SNX29: variants seen among roughly 807,000 people sequenced by gnomAD.
The protein encoded by SNX29 is sorting nexin-29.
Under a neutral mutation model 102.1 loss-of-function variants are expected in SNX29, and 78 were observed. That is an observed-to-expected ratio of 0.76 (90% CI 0.64 to 0.92). The LOEUF is 0.92. Among genes scored for constraint, SNX29 ranks in the 40% least tolerant of loss-of-function variants. SNX29 has a pLI of 0.00. For synonymous variants in SNX29, 580 were observed against 414.5 expected (o/e 1.40, Z -4.85); for missense variants, 1,280 against 1,061.7 (o/e 1.21, Z -2.86).
intron 1 of SNX29, among the ~76,000 whole-genome samples, chr16:11,984,354 A>G (rs1293052832): frequency 1.4e-5 from 2 of 139,078 alleles, no homozygotes; most frequent in Non-Finnish European, 3.1e-5. Flanking sequence ...TGACAGAGCC[A>G]GACCCCTCAG....
chr16:12,524,111 C>G (rs186745707), intron 19 of SNX29, among the ~76,000 whole-genome samples: 6 of 152,266 alleles, frequency 3.9e-5, no homozygotes, highest in Admixed American at 3.3e-4. Context: ...GTCTCAAACT[C>G]CCAGCCTCAG....
At chr16:12,387,982 G>T (rs2083393740) in intron 16 of SNX29, among the ~76,000 whole-genome samples, 2 of 152,184 alleles carry the variant, frequency 1.3e-5, no homozygotes. Context: ...TTCATCCACA[G>T]ATTTCATCAT....
chr16:12,372,544 G>T (rs1407759839), intron 16 of SNX29: 1 of 152,170 alleles, frequency 6.6e-6, no homozygotes. Context: ...TGCCCTGGAG[G>T]TTCATGAGGG....
At chr16:12,514,872 CAAAG>C (rs540042573) in intron 19 of SNX29, among the ~76,000 whole-genome samples, 1,624 of 137,824 alleles carry the variant, frequency 0.012, 14 homozygotes, top group South Asian at 0.025. Flanking sequence ...CTCTAAAAAA[CAAAG>C]AAAGAAAGAA....
In SNX29 at chr16:12,462,931, C is replaced by A. The variant is rs190315561; in HGVS notation, c.2038-14788C>A. ...GATGAAGTCATACTTCCTTTTACAT[C>A]CCCCTGCTATGATCGCTGGATCCCC... On this transcript the variant is annotated intron_variant, in intron 18 of 20. Coordinates refer to ENST00000566228, the MANE Select transcript of SNX29 (RefSeq NM_032167.5). 1.0e-3 allele frequency among the ~76,000 whole-genome samples: 159 copies of A among 152,316 alleles called. No homozygotes were observed. The South Asian group carries it at 0.023, about 22-fold the overall frequency.
chr16:12,206,352 G>A (rs1017164075), intron 14 of SNX29, among the ~76,000 whole-genome samples: 8 of 134,846 alleles, frequency 5.9e-5, no homozygotes, highest in Non-Finnish European at 9.2e-5. Flanking sequence ...TGCTGGGAGT[G>A]ATGTGCTGGT....
At chr16:12,176,261 A>G (rs1039201940) in intron 13 of SNX29, among the ~76,000 whole-genome samples, 1 of 152,240 alleles carries the variant, frequency 6.6e-6, no homozygotes, top group Non-Finnish European at 1.5e-5. Flanking sequence ...ACTGATAGAC[A>G]TTAGTGATGT....
At chr16:12,059,426 C>A (rs2151257620) in intron 8 of SNX29, among the ~76,000 whole-genome samples, 1 of 152,364 alleles carries the variant, frequency 6.6e-6, no homozygotes. Flanking sequence ...CCTGCCAGGA[C>A]AGTCGCGGGA....
intron 16 of SNX29, among the ~76,000 whole-genome samples, chr16:12,378,114 T>A (rs2082943722): frequency 6.6e-6 from 1 of 152,154 alleles, no homozygotes; most frequent in Non-Finnish European, 1.5e-5. Flanking sequence ...GAGTGCCTCA[T>A]TGTGTTTTGT....
At chr16:12,376,378 T>A (rs2082874849) in intron 16 of SNX29, among the ~76,000 whole-genome samples, 1 of 152,232 alleles carries the variant, frequency 6.6e-6, no homozygotes, top group Non-Finnish European at 1.5e-5. Flanking sequence ...ACAAATCATC[T>A]GAGCCAAAAT....
rs548045776 is a variant in SNX29, at chr16:12,456,173, T to A, written c.2038-21546T>A. Among the ~76,000 whole-genome samples the A allele has an allele frequency of 2.0e-5, 3 of 152,322 alleles. No homozygotes were observed. In the East Asian group the frequency reaches 5.8e-4, roughly 29 times the overall value. On this transcript the variant is annotated intron_variant, in intron 18 of 20. Transcript: ENST00000566228. ...CTCTGGTCATGTACTCCCAAGAATA[T>A]GTATAATTAGTATTTGTCAATTAAA...
intron 20 of SNX29, among the ~76,000 whole-genome samples, chr16:12,553,298 G>A (rs1464591611): frequency 6.6e-6 from 1 of 152,174 alleles, no homozygotes; most frequent in Non-Finnish European, 1.5e-5. Flanking sequence ...GAAAATGAGT[G>A]GGCACCTGGC....
At chr16:12,536,204 C>T (rs534821895) in intron 20 of SNX29, among the ~76,000 whole-genome samples, 1 of 152,134 alleles carries the variant, frequency 6.6e-6, no homozygotes, top group Non-Finnish European at 1.5e-5. Flanking sequence ...GAGGTTACGG[C>T]TTGCTGAGTA....
chr16:12,238,396 G>A (rs1254315597), intron 14 of SNX29, among the ~76,000 whole-genome samples: 2 of 151,814 alleles, frequency 1.3e-5, no homozygotes, highest in African/African-American at 4.8e-5. Context: ...CATGATCTCG[G>A]CTCACTGCAG....
intron 18 of SNX29, among the ~76,000 whole-genome samples, chr16:12,403,736 GC>G (rs1398981032): frequency 6.6e-6 from 1 of 152,154 alleles, no homozygotes; most frequent in Non-Finnish European, 1.5e-5. Flanking sequence ...GCCTCTTCGT[GC>G]CAGTCAGGCT....
intron 18 of SNX29, among the ~76,000 whole-genome samples, chr16:12,476,346 T>G (rs1398904419): frequency 4.3e-5 from 2 of 46,408 alleles, no homozygotes; most frequent in Non-Finnish European, 7.8e-5. Context: ...CACAGCGACA[T>G]TTCTCAAAAA....
At chr16:12,493,075 A>T (rs1304240859) in intron 19 of SNX29, among the ~76,000 whole-genome samples, 1 of 152,216 alleles carries the variant, frequency 6.6e-6, no homozygotes, top group African/African-American at 2.4e-5. Context: ...GAAGAAAGTC[A>T]TTGGTAGCTT....
chr16:12,352,477 T>A (rs1862752339), intron 15 of SNX29, among the ~76,000 whole-genome samples: 1 of 152,146 alleles, frequency 6.6e-6, no homozygotes, highest in Non-Finnish European at 1.5e-5. Flanking sequence ...GTAACAAACC[T>A]GCACGTTGTG....
At chr16:12,414,306 C>T (rs1034161002) in intron 18 of SNX29, among the ~76,000 whole-genome samples, 8 of 152,096 alleles carry the variant, frequency 5.3e-5, no homozygotes, top group African/African-American at 1.4e-4. Context: ...CCCAGGAGAT[C>T]GAGGCTGCAG....
Sources: gnomAD v4.1 joint callset for allele counts (sites outside exome capture counted in the v4.1 genomes callset) on GRCh38, gnomAD v4.1.1 for gene constraint, MANE v1.5 for transcripts, NCBI Gene and HGNC (gene_info 2026-07-23, HGNC 2026-07-21) for gene names.